The following PLXNC1 variants were observed in gnomAD, a reference collection of about 807,000 sequenced individuals.
The protein encoded by PLXNC1 is plexin-C1.
Under a neutral mutation model 178.2 loss-of-function variants are expected in PLXNC1, and 75 were observed. The observed-to-expected ratio is 0.42, with a 90% CI of 0.35 to 0.51. The LOEUF (loss-of-function observed/expected upper bound fraction) is 0.51. Ranked by LOEUF, PLXNC1 falls within the 20% of genes least tolerant of loss-of-function variation. The pLI is 0.02. For synonymous variants in PLXNC1, 790 were observed against 779.9 expected, an observed-to-expected ratio of 1.01 and a Z score of -0.22; for missense variants, 1,503 against 1,984.4, an observed-to-expected ratio of 0.76 and a Z score of 4.61.
At chr12:94,242,579 G>A (rs1284768099) in intron 11 of PLXNC1, among the ~76,000 whole-genome samples, 1 of 151,930 alleles carries the variant, frequency 6.6e-6, no homozygotes, top group Non-Finnish European at 1.5e-5. Flanking sequence ...TGGGAGTTAG[G>A]GCTTCAACAT....
chr12:94,150,132 G>T, intron 1 of PLXNC1, 99 bp downstream of exon 1: 3 of 998,418 alleles, frequency 3.0e-6, no homozygotes, highest in Non-Finnish European at 2.8e-6. Context: ...CGGGGCGGGG[G>T]TACAGCCGGG....
intron 23 of PLXNC1, among the ~76,000 whole-genome samples, chr12:94,283,909 C>A (rs372436584): frequency 2.0e-5 from 3 of 151,978 alleles, no homozygotes; most frequent in East Asian, 3.9e-4. Flanking sequence ...CACGGTAAAA[C>A]GCTGTCTCTA....
intron 7 of PLXNC1, among the ~76,000 whole-genome samples, chr12:94,225,923 A>G (rs1963925051): frequency 6.6e-6 from 1 of 152,218 alleles, no homozygotes; most frequent in African/African-American, 2.4e-5. Context: ...GAGAAGGTAT[A>G]AAACAAACTG....
At chr12:94,159,775 G>A (rs1028760494) in intron 1 of PLXNC1, among the ~76,000 whole-genome samples, 1 of 152,162 alleles carries the variant, frequency 6.6e-6, no homozygotes, top group Non-Finnish European at 1.5e-5. Flanking sequence ...TGGCCACAGC[G>A]GAAGAAGGAA....
rs142630196 is a variant in PLXNC1, at chr12:94,243,183, C to G, written c.2301-755C>G. ...TCTCTGCCCTACACAAATTGGGTTG[C>G]TCAGGCCCACCTCCTGGTCTTGTCA... On this transcript the variant is annotated intron_variant, in intron 11 of 30. Transcript: ENST00000258526. 1.6e-4 allele frequency among the ~76,000 whole-genome samples: 25 copies of G among 152,322 alleles called. No individual in the cohort carries two copies. The East Asian group carries it at 4.4e-3, about 27-fold the overall frequency.
intron 23 of PLXNC1, among the ~76,000 whole-genome samples, chr12:94,291,907 C>T (rs747786583): frequency 1.3e-5 from 2 of 152,214 alleles, no homozygotes; most frequent in South Asian, 2.1e-4. Flanking sequence ...TTGCCCCAGA[C>T]CCATCCCCGC....
chr12:94,297,517 TC>T, intron 26 of PLXNC1, 94 bp downstream of exon 26: 2 of 855,276 alleles, frequency 2.3e-6, no homozygotes, highest in Non-Finnish European at 3.8e-6. Flanking sequence ...ATGTTACAAA[TC>T]CCTTGTGCCT....
At position 94,307,267 on chromosome 12, in the gene PLXNC1, T is replaced by A. The variant is rs1294333111; in HGVS notation, c.*1982T>A. The A allele has an allele frequency of 6.6e-6, 1 of 152,184 alleles. No individual in the cohort carries two copies. The highest frequency in any genetic ancestry group is 1.9e-4 in the East Asian group (1 of 5,196). The allele number at this position is 152,184 out of a possible 1,614,324, so 9.4% of individuals were successfully genotyped here. On this transcript the variant is annotated 3_prime_UTR_variant, in exon 31 of 31. Transcript: ENST00000258526. ...GTATAATATTTCTAAGCTACCTCAC[T>A]GAGGTGGTATGAAGATTCACTAATG...
intron 5 of PLXNC1, among the ~76,000 whole-genome samples, chr12:94,209,932 A>G (rs1341922884): frequency 6.6e-6 from 1 of 152,198 alleles, no homozygotes; most frequent in African/African-American, 2.4e-5. Flanking sequence ...GCCTGCTCTC[A>G]TGGAGTTTGT....
intron 21 of PLXNC1, among the ~76,000 whole-genome samples, chr12:94,275,134 C>G (rs1325956953): frequency 1.3e-5 from 2 of 152,182 alleles, no homozygotes; most frequent in Non-Finnish European, 2.9e-5. Flanking sequence ...GGCCCTGACC[C>G]CCACTGTCCT....
Position 94,254,892 on chromosome 12 carries a change from G to A in PLXNC1, c.2983+4G>A. 6.2e-7 allele frequency: 1 copy of A among 1,604,020 alleles called. No homozygotes were observed. The highest frequency in any genetic ancestry group is 1.1e-5 in the South Asian group (1 of 89,292). ...CTCCGGAAAGAGATACGTGACGGTA[G>A]GCTCCAAAATTGTGTTTGTAGAAAA... On this transcript the variant is annotated splice_donor_region_variant and intron_variant, in intron 16 of 30. Transcript: ENST00000258526.
At chr12:94,207,769 G>A (rs895489502) in intron 4 of PLXNC1, among the ~76,000 whole-genome samples, 2 of 152,190 alleles carry the variant, frequency 1.3e-5, no homozygotes, top group Non-Finnish European at 2.9e-5. Context: ...TAACTCAGTG[G>A]CACTACTGTT....
chr12:94,180,460 C>G (rs1378714739), intron 2 of PLXNC1, among the ~76,000 whole-genome samples: 2 of 152,180 alleles, frequency 1.3e-5, no homozygotes, highest in Non-Finnish European at 2.9e-5. Flanking sequence ...CTGTTACTCA[C>G]CCCACCATAC....
intron 23 of PLXNC1, among the ~76,000 whole-genome samples, chr12:94,285,490 C>T (rs1420691987): frequency 1.3e-5 from 2 of 152,182 alleles, no homozygotes; most frequent in Non-Finnish European, 2.9e-5. Flanking sequence ...CAACTTGCCC[C>T]GTGCTCACTC....
chr12:94,278,938 C>T (rs1966211282), intron 21 of PLXNC1, among the ~76,000 whole-genome samples: 1 of 151,880 alleles, frequency 6.6e-6, no homozygotes, highest in South Asian at 2.1e-4. Context: ...GCGGAGGTTG[C>T]AGTGAGCCAA....
chr12:94,255,344 T>C, intron 17 of PLXNC1, 48 bp downstream of exon 17: 1 of 1,221,728 alleles, frequency 8.2e-7, no homozygotes, highest in Non-Finnish European at 1.2e-6. Context: ...TGAATAATAA[T>C]GAAGGTGCTT....
chr12:94,210,069 G>C (rs1963421615), intron 5 of PLXNC1, among the ~76,000 whole-genome samples: 1 of 149,794 alleles, frequency 6.7e-6, no homozygotes, highest in Non-Finnish European at 1.5e-5. Flanking sequence ...TGGTCAACGA[G>C]ATACCTTAAA....
chr12:94,275,689 T>TA (rs572557022), intron 21 of PLXNC1, among the ~76,000 whole-genome samples: 1 of 125,646 alleles, frequency 8.0e-6, no homozygotes, highest in African/African-American at 3.2e-5. Context: ...CCGTCTCTAC[T>TA]AAAAAAATAC....
At chr12:94,239,385 C>A (rs557037178) in intron 10 of PLXNC1, among the ~76,000 whole-genome samples, 162 of 152,320 alleles carry the variant, frequency 1.1e-3, no homozygotes, top group African/African-American at 3.8e-3. Flanking sequence ...AATGTTCAAC[C>A]ACTTTATGAT....
Sources: gnomAD v4.1 joint callset for allele counts (sites outside exome capture counted in the v4.1 genomes callset) on GRCh38, gnomAD v4.1.1 for gene constraint, MANE v1.5 for transcripts, NCBI Gene and HGNC (gene_info 2026-07-23, HGNC 2026-07-21) for gene names.